TRPM3: variants seen among roughly 807,000 people sequenced by gnomAD.
The protein encoded by TRPM3 is long transient receptor potential channel 3.
Under a neutral mutation model 181.2 loss-of-function variants are expected in TRPM3, and 77 were observed. That is an observed-to-expected ratio of 0.42 (90% CI 0.35 to 0.51). The LOEUF is 0.51. TRPM3 is among the 20% of genes least tolerant of loss of function. The pLI is 0.01. For synonymous variants in TRPM3, 745 were observed against 796.4 expected, an observed-to-expected ratio of 0.94 and a Z score of 1.09; for missense variants, 1,759 against 2,196.7, an observed-to-expected ratio of 0.80 and a Z score of 3.98.
chr9:70,994,952 T>C (rs995139852), intron 1 of TRPM3, among the ~76,000 whole-genome samples: 11 of 152,326 alleles, frequency 7.2e-5, no homozygotes, highest in Middle Eastern at 3.4e-3. Context: ...ATGTTCTCCA[T>C]CTTTCTTTGT....
intron 1 of TRPM3, among the ~76,000 whole-genome samples, chr9:70,964,683 C>G (rs915040106): frequency 2.6e-5 from 4 of 152,154 alleles, no homozygotes; most frequent in Admixed American, 2.0e-4. Context: ...CTGTCCTTGA[C>G]TGATTTTCAT....
At chr9:70,778,887 C>T (rs1421516538) in intron 7 of TRPM3, among the ~76,000 whole-genome samples, 5 of 152,112 alleles carry the variant, frequency 3.3e-5, no homozygotes, top group East Asian at 1.9e-4. Context: ...GACTACACTT[C>T]GGTTTCTAAA....
intron 1 of TRPM3, among the ~76,000 whole-genome samples, chr9:70,949,283 C>A (rs1463114747): frequency 6.6e-6 from 1 of 151,998 alleles, no homozygotes; most frequent in Non-Finnish European, 1.5e-5. Flanking sequence ...TTCTCAAACT[C>A]CTGGCTCAAG....
intron 1 of TRPM3, among the ~76,000 whole-genome samples, chr9:71,425,134 T>C (rs2093841307): frequency 6.6e-6 from 1 of 152,102 alleles, no homozygotes. Flanking sequence ...CCTGGATAGC[T>C]CTTCTACTAA....
chr9:71,345,630 C>T (rs531781490), intron 1 of TRPM3, among the ~76,000 whole-genome samples: 55 of 152,050 alleles, frequency 3.6e-4, no homozygotes, highest in African/African-American at 1.3e-3. Flanking sequence ...AGGAGAAATA[C>T]CTAATGTAGA....
intron 1 of TRPM3, among the ~76,000 whole-genome samples, chr9:71,280,892 A>G (rs749570661): frequency 4.6e-5 from 7 of 152,140 alleles, no homozygotes. Flanking sequence ...TCATTCCCCT[A>G]TTATTCTCTA....
At chr9:70,775,929 C>G (rs996166399) in intron 7 of TRPM3, 2 of 152,484 alleles carry the variant, frequency 1.3e-5, no homozygotes, top group Non-Finnish European at 2.9e-5. Flanking sequence ...TTAACATATG[C>G]ATTAACTCAC....
At chr9:70,838,142 G>A (rs2094436258) in intron 5 of TRPM3, among the ~76,000 whole-genome samples, 1 of 152,188 alleles carries the variant, frequency 6.6e-6, no homozygotes, top group African/African-American at 2.4e-5. Flanking sequence ...TAAGTGGCAT[G>A]TCAATATGTC....
chr9:70,619,958 G>A (rs2133193270), intron 16 of TRPM3, 118 bp downstream of exon 16: 1 of 936,488 alleles, frequency 1.1e-6, no homozygotes, highest in Non-Finnish European at 1.6e-6. Flanking sequence ...TCCTGTGTGT[G>A]CATCACTGGG....
At chr9:70,867,333 C>G (rs1427390843) in intron 1 of TRPM3, among the ~76,000 whole-genome samples, 1 of 152,074 alleles carries the variant, frequency 6.6e-6, no homozygotes, top group Non-Finnish European at 1.5e-5. Flanking sequence ...CCTTATTTCT[C>G]TTGCTCATGG....
At chr9:71,022,998 T>G (rs1362169628) in intron 1 of TRPM3, among the ~76,000 whole-genome samples, 1 of 151,998 alleles carries the variant, frequency 6.6e-6, no homozygotes, top group Admixed American at 6.6e-5. Context: ...TTTGATCAAT[T>G]GAATCTTATC....
rs573313809 is a variant in TRPM3, at chr9:71,308,283, TA to T, written c.183+138369del. Among the ~76,000 whole-genome samples the T allele has an allele frequency of 2.5e-4, 38 of 152,130 alleles. 1 individual carries two copies. In the South Asian group the frequency reaches 3.1e-3, roughly 12 times the overall value. On this transcript the variant is annotated intron_variant, in intron 1 of 24. Coordinates refer to the TRPM3 transcript ENST00000357533. ...GATCATTGAGAAATATTTGTTTCTT[TA>T]AAAAAAACCTATTACTCTGCTTGTC...
At chr9:71,141,009 T>C (rs1361992370) in intron 1 of TRPM3, among the ~76,000 whole-genome samples, 1 of 152,212 alleles carries the variant, frequency 6.6e-6, no homozygotes, top group East Asian at 1.9e-4. Context: ...ATTCAGCTTG[T>C]TATGTGTTCA....
intron 1 of TRPM3, among the ~76,000 whole-genome samples, chr9:71,293,606 G>GAA (rs34356760): frequency 8.5e-4 from 127 of 148,914 alleles, no homozygotes; most frequent in Admixed American, 2.7e-3. Context: ...TACATTTGTG[G>GAA]AAAAAAAAAA....
chr9:70,688,144 G>A (rs1270941435), intron 8 of TRPM3, among the ~76,000 whole-genome samples: 5 of 151,784 alleles, frequency 3.3e-5, no homozygotes, highest in Non-Finnish European at 7.4e-5. Flanking sequence ...TTTCATTCTA[G>A]TCTCTGTGCA....
intron 8 of TRPM3, among the ~76,000 whole-genome samples, chr9:70,748,327 T>C (rs2075540388): frequency 6.6e-6 from 1 of 152,170 alleles, no homozygotes; most frequent in African/African-American, 2.4e-5. Flanking sequence ...ATTAGAGCCA[T>C]AGCTGCCAGG....
At chr9:70,955,592 A>T (rs967684259) in intron 1 of TRPM3, among the ~76,000 whole-genome samples, 3 of 152,176 alleles carry the variant, frequency 2.0e-5, no homozygotes, top group African/African-American at 7.2e-5. Context: ...TAAGTGGTTT[A>T]TTCAAGGTCA....
chr9:71,217,014 G>C (rs951605815), intron 1 of TRPM3, among the ~76,000 whole-genome samples: 2 of 130,632 alleles, frequency 1.5e-5, no homozygotes, highest in Non-Finnish European at 3.1e-5. Context: ...GCAGTGGCGC[G>C]ATCTCGGCTC....
chr9:71,423,225 T>C (rs962862700), intron 1 of TRPM3, among the ~76,000 whole-genome samples: 1 of 152,122 alleles, frequency 6.6e-6, no homozygotes, highest in Non-Finnish European at 1.5e-5. Flanking sequence ...TTTTGACAGA[T>C]AACTTTAGAC....
Sources: allele counts gnomAD v4.1 joint callset (sites outside exome capture counted in the v4.1 genomes callset), GRCh38; gene constraint gnomAD v4.1.1; transcripts MANE v1.5; gene names NCBI Gene and HGNC (gene_info 2026-07-23, HGNC 2026-07-21).